The following TBC1D32 variants were observed in gnomAD, a reference collection of about 807,000 sequenced individuals.
TBC1D32 encodes TBC1 domain family member 32, also known as protein broad-minded.
In TBC1D32, 151 loss-of-function variants were observed where a neutral mutation model predicts 170.3. The observed-to-expected ratio is 0.89, with a 90% CI of 0.78 to 1.01. The LOEUF (loss-of-function observed/expected upper bound fraction) is 1.01, where lower values mean the gene tolerates loss of function less well. Among genes scored for constraint, TBC1D32 ranks in the 50% least tolerant of loss-of-function variants. TBC1D32 has a pLI of 0.00. For missense variants in TBC1D32, 1,464 were observed against 1,457.1 expected (o/e 1.00, Z -0.08); for synonymous variants, 498 against 488.0 (o/e 1.02, Z -0.27).
intron 15 of TBC1D32, among the ~76,000 whole-genome samples, chr6:121,274,254 A>T (rs545618395): frequency 6.6e-6 from 1 of 151,840 alleles, no homozygotes; most frequent in East Asian, 2.0e-4. Flanking sequence ...AATTGCTTGA[A>T]CCCAGGAGGC....
At chr6:121,215,911 A>C (rs1402645996) in intron 21 of TBC1D32, among the ~76,000 whole-genome samples, 1 of 152,228 alleles carries the variant, frequency 6.6e-6, no homozygotes, top group Non-Finnish European at 1.5e-5. Flanking sequence ...TGAGAGTATA[A>C]ATTAGTTCAA....
At chr6:121,329,355 A>T (rs956787239) in intron 1 of TBC1D32, among the ~76,000 whole-genome samples, 3 of 152,164 alleles carry the variant, frequency 2.0e-5, no homozygotes, top group African/African-American at 7.2e-5. Context: ...TTAGCTATTT[A>T]AAAAGGCAAG....
At chr6:121,285,738 C>A (rs539247110) in intron 12 of TBC1D32, among the ~76,000 whole-genome samples, 1 of 152,164 alleles carries the variant, frequency 6.6e-6, no homozygotes, top group Non-Finnish European at 1.5e-5. Context: ...AGGCACCCCC[C>A]AGTAGGGGCA....
chr6:121,252,716 T>A (rs1798457243), intron 17 of TBC1D32, among the ~76,000 whole-genome samples: 1 of 151,942 alleles, frequency 6.6e-6, no homozygotes. Flanking sequence ...TGCACATGTA[T>A]CCCAGAACTT....
intron 26 of TBC1D32, among the ~76,000 whole-genome samples, chr6:121,122,312 T>C (rs568067732): frequency 6.6e-6 from 1 of 152,052 alleles, no homozygotes; most frequent in African/African-American, 2.4e-5. Flanking sequence ...CCTTCAGTCA[T>C]TTCTCAACAC....
intron 20 of TBC1D32, among the ~76,000 whole-genome samples, chr6:121,234,052 G>C (rs953056408): frequency 1.3e-5 from 2 of 152,166 alleles, no homozygotes; most frequent in African/African-American, 2.4e-5. Context: ...ATCCCTTCTA[G>C]CTTGTAGGGT....
intron 26 of TBC1D32, among the ~76,000 whole-genome samples, chr6:121,118,947 A>G (rs1256028231): frequency 6.6e-6 from 1 of 152,058 alleles, no homozygotes; most frequent in Non-Finnish European, 1.5e-5. Context: ...TAGCATTTCC[A>G]TGTCTTGATT....
intron 30 of TBC1D32, among the ~76,000 whole-genome samples, chr6:121,098,759 T>G (rs554476320): frequency 6.6e-6 from 1 of 152,076 alleles, no homozygotes; most frequent in East Asian, 1.9e-4. Context: ...CAAAGCAGTG[T>G]ACAAACACAG....
chr6:121,267,193 T>C (rs1468510663), intron 15 of TBC1D32, among the ~76,000 whole-genome samples: 1 of 148,444 alleles, frequency 6.7e-6, no homozygotes, highest in Non-Finnish European at 1.5e-5. Flanking sequence ...AGTCTACAAC[T>C]CCCAGCGTGA....
At chr6:121,213,510 AAAATAAAATAAAAT>A (rs1226155261) in intron 21 of TBC1D32, among the ~76,000 whole-genome samples, 896 of 24,604 alleles carry the variant, frequency 0.036, 49 homozygotes, top group African/African-American at 0.14. Context: ...AAAATAAAAT[AAAATAAAATAAAAT>A]AAATAAAATA....
At chr6:121,136,069 A>G (rs995362129) in intron 24 of TBC1D32, among the ~76,000 whole-genome samples, 4 of 152,184 alleles carry the variant, frequency 2.6e-5, no homozygotes, top group African/African-American at 7.2e-5. Flanking sequence ...AATGTGACTC[A>G]TAACTTGCAG....
At chr6:121,256,405 G>T in intron 15 of TBC1D32, 120 bp from the exon 16 acceptor site, 1 of 782,314 alleles carries the variant, frequency 1.3e-6, no homozygotes, top group Non-Finnish European at 2.0e-6. Flanking sequence ...TCTCAGACAT[G>T]TCAATATTCA....
chr6:121,174,502 G>A (rs1387336168), intron 22 of TBC1D32, among the ~76,000 whole-genome samples: 3 of 152,096 alleles, frequency 2.0e-5, no homozygotes, highest in African/African-American at 7.2e-5. Context: ...CAGGCAAAAC[G>A]ACCAAGTTAC....
intron 3 of TBC1D32, among the ~76,000 whole-genome samples, chr6:121,312,401 C>A (rs1023741745): frequency 5.9e-5 from 9 of 152,076 alleles, no homozygotes; most frequent in Non-Finnish European, 1.3e-4. Context: ...TCTATTAATT[C>A]TTTTTTTAAG....
chr6:121,173,019 G>A (rs1481571412), intron 22 of TBC1D32, among the ~76,000 whole-genome samples: 1 of 152,106 alleles, frequency 6.6e-6, no homozygotes, highest in Admixed American at 6.6e-5. Flanking sequence ...TGATTGTATT[G>A]AAGGATGCAA....
intron 25 of TBC1D32, among the ~76,000 whole-genome samples, chr6:121,128,704 T>C (rs1253903528): frequency 6.6e-6 from 1 of 152,152 alleles, no homozygotes; most frequent in Non-Finnish European, 1.5e-5. Flanking sequence ...AATATTTATA[T>C]ACTAAGAAGA....
intron 15 of TBC1D32, among the ~76,000 whole-genome samples, chr6:121,274,828 T>C (rs1315459601): frequency 6.6e-6 from 1 of 152,134 alleles, no homozygotes; most frequent in African/African-American, 2.4e-5. Context: ...GTGGGAAGGC[T>C]CAAAAACAGA....
At chr6:121,119,475 G>C (rs780129082) in intron 26 of TBC1D32, among the ~76,000 whole-genome samples, 15 of 151,918 alleles carry the variant, frequency 9.9e-5, no homozygotes, top group Admixed American at 6.6e-5. Context: ...TAATCAAAAG[G>C]TGAAACAAGC....
At chr6:121,214,540 G>A (rs9387929) in intron 21 of TBC1D32, among the ~76,000 whole-genome samples, 97,434 of 152,010 alleles carry the variant, frequency 0.64, 36,744 homozygotes, top group Non-Finnish European at 0.84. Context: ...CTGTGAGGCT[G>A]CACCTAGACA....
Sources: allele counts gnomAD v4.1 joint callset (sites outside exome capture counted in the v4.1 genomes callset), GRCh38; gene constraint gnomAD v4.1.1; transcripts MANE v1.5; gene names NCBI Gene and HGNC (gene_info 2026-07-23, HGNC 2026-07-21).